ZNF558: variants seen among roughly 807,000 people sequenced by gnomAD.
ZNF558 encodes the protein zinc finger protein 558.
In ZNF558, 23 loss-of-function variants were observed where a neutral mutation model predicts 37.6. That is an observed-to-expected ratio of 0.61 (90% CI 0.44 to 0.87). The LOEUF is 0.87. Among genes scored for constraint, ZNF558 ranks in the 40% least tolerant of loss-of-function variants. The pLI is 0.00. For missense variants in ZNF558, 429 were observed against 483.7 expected (o/e 0.89, Z 1.06); for synonymous variants, 189 against 174.4 (o/e 1.08, Z -0.66).
chr19:8,819,323 G>A (rs1452477288), intron 7 of ZNF558, among the ~76,000 whole-genome samples: 1 of 152,130 alleles, frequency 6.6e-6, no homozygotes, highest in African/African-American at 2.4e-5. Flanking sequence ...TGGGATTACA[G>A]GCACCTGCCA....
chr19:8,817,501 G>C (rs888739450), intron 7 of ZNF558, among the ~76,000 whole-genome samples: 1 of 151,140 alleles, frequency 6.6e-6, no homozygotes, highest in East Asian at 1.9e-4. Flanking sequence ...AACTTATGAT[G>C]TTCAGTGGGT....
intron 6 of ZNF558, chr19:8,821,562 C>T: frequency 7.1e-7 from 1 of 1,409,572 alleles, no homozygotes; most frequent in Non-Finnish European, 9.2e-7. Context: ...TTCCCAGGTC[C>T]AGTGCACAGT....
rs1320935785 is a variant in ZNF558 at position 8,811,985 on chromosome 19, G to A, written c.505C>T (p.Gln169Ter). The change falls in exon 10 of 10, where the codon CAG (glutamine) becomes TAG (stop). Residue 169 changes from glutamine to a stop codon, truncating the protein, a stop_gained. Transcript: ENST00000601372. LOFTEE classifies it high-confidence loss of function. ...TCTCCAGTATGAATTCTCTTGTGCT[G>A]AGTTAGGTTAGATTTCGTGCTGAAG... Reference protein sequence around the residue: ...KVFSTKSNLTQHKRIHTGEKP... With the variant: ...KVFSTKSNLT 2 of 1,613,738 alleles carry A rather than the reference G, an allele frequency of 1.2e-6. No individual in the cohort carries two copies. Among genetic ancestry groups the A allele is most frequent in the African/African-American group, 2.7e-5 (2 of 74,932 alleles).
chr19:8,816,055 A>AAC (rs112370625), intron 7 of ZNF558, among the ~76,000 whole-genome samples: 3,330 of 150,192 alleles, frequency 0.022, 105 homozygotes, highest in African/African-American at 0.073. Context: ...TTCATACTGA[A>AAC]ACACACACAC....
upstream of ZNF558, among the ~76,000 whole-genome samples, chr19:8,836,309 T>C (rs2145343104): frequency 6.6e-6 from 1 of 152,130 alleles, no homozygotes; most frequent in South Asian, 2.1e-4. Context: ...GTGGAAAAAG[T>C]AAAATACTAC....
upstream of ZNF558, among the ~76,000 whole-genome samples, chr19:8,834,401 A>G (rs967102821): frequency 2.0e-5 from 3 of 151,866 alleles, no homozygotes; most frequent in Non-Finnish European, 4.4e-5. Context: ...CGAGGTCAAG[A>G]TATCGAGACC....
upstream of ZNF558, among the ~76,000 whole-genome samples, chr19:8,835,557 G>A (rs1423275551): frequency 6.6e-6 from 1 of 152,152 alleles, no homozygotes; most frequent in African/African-American, 2.4e-5. Context: ...AGGAGAAATT[G>A]GAATTCTTAT....
chr19:8,834,219 G>A (rs2044427735), upstream of ZNF558, among the ~76,000 whole-genome samples: 1 of 152,162 alleles, frequency 6.6e-6, no homozygotes, highest in Admixed American at 6.5e-5. Flanking sequence ...AAGCAAAAAT[G>A]AACAAGTTCA....
chr19:8,812,658 A>G lies in ZNF558; in HGVS notation c.344-15T>C. On this transcript the variant is annotated splice_polypyrimidine_tract_variant and intron_variant, in intron 8 of 9. Transcript: ENST00000601372. ...AGTCTCCAAATCTGAAACAAATTGA[A>G]AAGAAATTTAGGTTGATGGAGAAAA... 2.6e-6 allele frequency: 4 copies of G among 1,554,156 alleles called. No individual in the cohort carries two copies. The highest frequency in any genetic ancestry group is 3.5e-6 in the Non-Finnish European group (4 of 1,145,310).
In ZNF558 at chr19:8,822,584, C is replaced by G. The variant is rs766902063; in HGVS notation, c.31+45G>C. The G allele has an allele frequency of 1.2e-6, 2 of 1,613,760 alleles. No individual in the cohort carries two copies. Among genetic ancestry groups the G allele is most frequent in the African/African-American group, 2.7e-5 (2 of 75,022 alleles). On this transcript the variant is annotated intron_variant, in intron 5 of 9. Transcript: ENST00000601372. This position sits in a 1 kb window ranked among gnomAD's most constrained non-coding sequence, Gnocchi z 4.4. ...CGTGTCCCATGCTGTGGGTCAGAACCTTTCAAGGCTGGACTCTGAGAAATG... is the reference window on the plus strand; with the variant it reads ...CGTGTCCCATGCTGTGGGTCAGAACGTTTCAAGGCTGGACTCTGAGAAATG...
upstream of ZNF558, among the ~76,000 whole-genome samples, chr19:8,836,388 TTCCTCCTCCTCCTTG>T (rs1354370117): frequency 6.6e-6 from 1 of 151,598 alleles, no homozygotes; most frequent in Non-Finnish European, 1.5e-5. Context: ...ACTCCTCCCC[TTCCTCCTCCTCCTTG>T]TCCTCCTCCT....
intron 7 of ZNF558, among the ~76,000 whole-genome samples, chr19:8,815,789 C>CAA (rs929757019): frequency 4.7e-5 from 7 of 150,380 alleles, no homozygotes; most frequent in African/African-American, 1.7e-4. Flanking sequence ...GAACCTGTCT[C>CAA]AAAGATAAAG....
chr19:8,810,430 A>G lies in ZNF558; in HGVS notation c.*851T>C, dbSNP rs1326933273. The stretch of plus-strand genomic sequence containing the variant: ...TTTCTCCCTTAGTGTGAGCTGTCAC[A>G]TGAATCCCTGCTGATAGCACTGAAG... On this transcript the variant is annotated 3_prime_UTR_variant, in exon 10 of 10. Transcript: ENST00000601372. 7 of 152,168 alleles carry G rather than the reference A, an allele frequency of 4.6e-5. No homozygotes were observed. The highest frequency in any genetic ancestry group is 1.7e-4 in the African/African-American group (7 of 41,428). 9.4% of individuals were successfully genotyped at this position (152,168 alleles called of 1,614,324 possible). A position where few individuals can be genotyped will look rare whatever the true frequency, so the allele number is the denominator to read the frequency against.
Position 8,808,968 on chromosome 19 carries a change from T to C in ZNF558, c.*2313A>G, listed in dbSNP as rs530755092. The C allele has an allele frequency of 7.2e-5, 11 of 152,112 alleles. No individual in the cohort carries two copies. The highest frequency in any genetic ancestry group is 2.6e-4 in the Admixed American group (4 of 15,272). 9.4% of individuals were successfully genotyped at this position (152,112 alleles called of 1,614,324 possible). A position where few individuals can be genotyped will look rare whatever the true frequency, so the allele number is the denominator to read the frequency against. The stretch of plus-strand genomic sequence containing the variant: ...CTAATCTTTATACTTTTAGTAGAGA[T>C]AGGGTTTCACCACGTTGGCCAGGAT... On this transcript the variant is annotated 3_prime_UTR_variant, in exon 10 of 10. Transcript: ENST00000601372.
intron 4 of ZNF558, among the ~76,000 whole-genome samples, chr19:8,823,305 G>A (rs977657463): frequency 4.0e-5 from 6 of 150,436 alleles, no homozygotes; most frequent in Non-Finnish European, 7.4e-5. Flanking sequence ...TTCTCTCACC[G>A]CATGTCCTCC....
In ZNF558 at chr19:8,812,645, T is replaced by A; in HGVS notation, c.344-2A>T. ...TGGCTTTAAGTAGAGTCTCCAAATC[T>A]GAAACAAATTGAAAAGAAATTTAGG... On this transcript the variant is annotated splice_acceptor_variant, in intron 8 of 9. Coordinates refer to ENST00000601372, the MANE Select transcript of ZNF558 (RefSeq NM_144693.3). LOFTEE classifies it high-confidence loss of function. 6.4e-7 allele frequency: 1 copy of A among 1,574,684 alleles called. No individual in the cohort carries two copies. Among genetic ancestry groups the A allele is most frequent in the Non-Finnish European group, 8.6e-7 (1 of 1,162,736 alleles).
upstream of ZNF558, among the ~76,000 whole-genome samples, chr19:8,836,836 A>G (rs113600027): frequency 1.3e-5 from 2 of 152,348 alleles, no homozygotes; most frequent in African/African-American, 4.8e-5. Flanking sequence ...ATTAAATGGC[A>G]AAACAAACTG....
chr19:8,830,329 C>T (rs1015976698), intron 2 of ZNF558, among the ~76,000 whole-genome samples: 1 of 152,050 alleles, frequency 6.6e-6, no homozygotes, highest in Admixed American at 6.6e-5. Flanking sequence ...TCAGGTAGTT[C>T]TTTATAGCAG....
At position 8,810,985 on chromosome 19, in the gene ZNF558, T is replaced by G. The variant is rs1192219400; in HGVS notation, c.*296A>C. 4.0e-6 allele frequency: 1 copy of G among 250,026 alleles called. No individual in the cohort carries two copies. The highest frequency in any genetic ancestry group is 7.7e-6 in the Non-Finnish European group (1 of 130,312). The allele number at this position is 250,026 out of a possible 1,614,324, so 15.5% of individuals were successfully genotyped here. A position where few individuals can be genotyped will look rare whatever the true frequency, so the allele number is the denominator to read the frequency against. On this transcript the variant is annotated 3_prime_UTR_variant, in exon 10 of 10. Coordinates refer to ENST00000601372, the MANE Select transcript of ZNF558 (RefSeq NM_144693.3). ...TTCCAGGCATGTGAATAAGTCATCT[T>G]GGAAGTGGACTGTTCATCAGTAAAG...
Sources: allele counts gnomAD v4.1 joint callset (sites outside exome capture counted in the v4.1 genomes callset), GRCh38; gene constraint gnomAD v4.1.1; non-coding constraint Gnocchi (gnomAD v3.1); transcripts MANE v1.5; gene names NCBI Gene and HGNC (gene_info 2026-07-23, HGNC 2026-07-21).